Variants in RBFOX1 observed in about 807,000 individuals in gnomAD.
The protein encoded by RBFOX1 is RNA binding protein fox-1 homolog 1.
In RBFOX1, 8 loss-of-function variants were observed where a neutral mutation model predicts 57.7. That is an observed-to-expected ratio of 0.14 (90% CI 0.08 to 0.25). RBFOX1 has a LOEUF of 0.25. Among genes scored for constraint, RBFOX1 ranks in the 10% least tolerant of loss-of-function variants. The pLI is 1.00. For missense variants in RBFOX1, 611 were observed against 548.5 expected, an observed-to-expected ratio of 1.11 and a Z score of -1.14; for synonymous variants, 326 against 222.4, an observed-to-expected ratio of 1.47 and a Z score of -4.15.
At chr16:5,945,075 G>T (rs748726368) in intron 4 of RBFOX1, among the ~76,000 whole-genome samples, 1 of 151,516 alleles carries the variant, frequency 6.6e-6, no homozygotes, top group African/African-American at 2.4e-5. Context: ...GCTCTATGTA[G>T]GTTTAAGGGC....
chr16:5,344,748 C>T (rs2065104252), intron 1 of RBFOX1, among the ~76,000 whole-genome samples: 1 of 152,094 alleles, frequency 6.6e-6, no homozygotes, highest in African/African-American at 2.4e-5. Context: ...AAAAATATAA[C>T]TTCATGAAAA....
chr16:7,189,426 A>AG (rs943911851), intron 4 of RBFOX1, among the ~76,000 whole-genome samples: 2 of 37,068 alleles, frequency 5.4e-5, no homozygotes, highest in African/African-American at 3.4e-4. Flanking sequence ...ACTCCCTCTC[A>AG]AAAAAAAAAA....
At chr16:6,852,288 G>A (rs972132275) in intron 3 of RBFOX1, among the ~76,000 whole-genome samples, 3 of 152,114 alleles carry the variant, frequency 2.0e-5, no homozygotes, top group African/African-American at 4.8e-5. Context: ...CGTTCTGTGT[G>A]TGCCTCTGCG....
intron 1 of RBFOX1, among the ~76,000 whole-genome samples, chr16:6,206,536 T>C (rs1378681348): frequency 7.2e-5 from 11 of 152,236 alleles, no homozygotes; most frequent in Admixed American, 7.2e-4. Flanking sequence ...TCCTTGTCCC[T>C]ATATCTCCAG....
intron 1 of RBFOX1, among the ~76,000 whole-genome samples, chr16:6,313,294 A>T (rs963189702): frequency 6.6e-6 from 1 of 152,216 alleles, no homozygotes; most frequent in Non-Finnish European, 1.5e-5. Flanking sequence ...GAAGCCAGCA[A>T]TGTAGGATTT....
At chr16:5,408,755 G>A (rs145285622) in intron 1 of RBFOX1, among the ~76,000 whole-genome samples, 1 of 152,370 alleles carries the variant, frequency 6.6e-6, no homozygotes, top group East Asian at 1.9e-4. Flanking sequence ...ATGGCAGAAG[G>A]TGAAGCAGGA....
intron 4 of RBFOX1, among the ~76,000 whole-genome samples, chr16:7,109,203 G>A (rs779494927): frequency 6.6e-6 from 1 of 152,092 alleles, no homozygotes; most frequent in Non-Finnish European, 1.5e-5. Context: ...GATAAAACAA[G>A]TATAAAGGAT....
chr16:6,621,337 G>T (rs1354138870), intron 2 of RBFOX1, among the ~76,000 whole-genome samples: 1 of 152,134 alleles, frequency 6.6e-6, no homozygotes, highest in Non-Finnish European at 1.5e-5. Context: ...GGTGGCAGGC[G>T]CCTGTAGTCC....
At chr16:5,384,519 T>G (rs2151399698) in intron 1 of RBFOX1, among the ~76,000 whole-genome samples, 1 of 151,980 alleles carries the variant, frequency 6.6e-6, no homozygotes, top group Non-Finnish European at 1.5e-5. Context: ...AGAGCAAGAG[T>G]AGGCCAGGCA....
chr16:5,399,138 A>G (rs992205657), intron 1 of RBFOX1, among the ~76,000 whole-genome samples: 1 of 152,230 alleles, frequency 6.6e-6, no homozygotes, highest in African/African-American at 2.4e-5. Context: ...TGTGTCAGGG[A>G]GGAATTCCAA....
intron 3 of RBFOX1, among the ~76,000 whole-genome samples, chr16:6,774,520 C>T (rs978327462): frequency 1.3e-5 from 2 of 152,102 alleles, no homozygotes; most frequent in African/African-American, 4.8e-5. Flanking sequence ...TGTCTTACTT[C>T]TCTATGTTCA....
At chr16:6,567,412 G>A (rs1455577677) in intron 2 of RBFOX1, among the ~76,000 whole-genome samples, 2 of 152,168 alleles carry the variant, frequency 1.3e-5, no homozygotes, top group Non-Finnish European at 2.9e-5. Context: ...TCCCTAGATA[G>A]CCTCTTGGCT....
chr16:7,401,441 A>T (rs949174948), intron 4 of RBFOX1, among the ~76,000 whole-genome samples: 1 of 152,226 alleles, frequency 6.6e-6, no homozygotes, highest in African/African-American at 2.4e-5. Context: ...CATAGATGGG[A>T]TGGCTGTATG....
chr16:7,458,011 G>T (rs1477846288), intron 4 of RBFOX1, among the ~76,000 whole-genome samples: 1 of 152,100 alleles, frequency 6.6e-6, no homozygotes, highest in East Asian at 1.9e-4. Flanking sequence ...GTGCCTGCTT[G>T]GTTGGTATAT....
At chr16:5,598,589 A>C (rs1320124557) in intron 2 of RBFOX1, among the ~76,000 whole-genome samples, 3 of 152,216 alleles carry the variant, frequency 2.0e-5, no homozygotes, top group Non-Finnish European at 4.4e-5. Flanking sequence ...AAAATAATGA[A>C]ATATTAATAT....
intron 1 of RBFOX1, among the ~76,000 whole-genome samples, chr16:6,123,956 A>G (rs1435884522): frequency 6.6e-6 from 1 of 152,178 alleles, no homozygotes; most frequent in Admixed American, 6.5e-5. Context: ...AGAAAAAAAT[A>G]CAAGGAGAAA....
chr16:5,976,621 G>A (rs1378279307), intron 4 of RBFOX1, among the ~76,000 whole-genome samples: 1 of 152,132 alleles, frequency 6.6e-6, no homozygotes, highest in Non-Finnish European at 1.5e-5. Flanking sequence ...GCAGTCCCAG[G>A]ACTTTGGGAG....
chr16:6,604,165 T>G (rs1379492621), intron 2 of RBFOX1, among the ~76,000 whole-genome samples: 5 of 151,928 alleles, frequency 3.3e-5, no homozygotes, highest in African/African-American at 1.2e-4. Flanking sequence ...GTCCAGCTTT[T>G]GAGAGTCACT....
At chr16:6,527,615 G>A (rs2096599303) in intron 2 of RBFOX1, among the ~76,000 whole-genome samples, 1 of 152,142 alleles carries the variant, frequency 6.6e-6, no homozygotes, top group African/African-American at 2.4e-5. Context: ...CACCTGCAAT[G>A]ATGTGGAAAC....
Sources: allele counts gnomAD v4.1 joint callset (sites outside exome capture counted in the v4.1 genomes callset), GRCh38; gene constraint gnomAD v4.1.1; transcripts MANE v1.5; gene names NCBI Gene and HGNC (gene_info 2026-07-23, HGNC 2026-07-21).